Variants in MTCH1 observed in about 807,000 individuals in gnomAD.
The protein encoded by MTCH1 is mitochondrial carrier homolog 1.
In MTCH1, 23 loss-of-function variants were observed where a neutral mutation model predicts 49.3. The observed-to-expected ratio is 0.47, with a 90% CI of 0.34 to 0.66. MTCH1 has a LOEUF of 0.66. Ranked by LOEUF, MTCH1 falls within the 30% of genes least tolerant of loss-of-function variation. The probability of loss-of-function intolerance (pLI) is 0.01; values close to 1 mark genes in which losing one functional copy is unlikely to be tolerated. For synonymous variants in MTCH1, 229 were observed against 215.2 expected, an observed-to-expected ratio of 1.06 and a Z score of -0.56; for missense variants, 397 against 532.1, an observed-to-expected ratio of 0.75 and a Z score of 2.50.
chr6:36,978,701 T>C, intron 2 of MTCH1, 90 bp from the exon 3 acceptor site: 1 of 1,149,334 alleles, frequency 8.7e-7, no homozygotes, highest in Admixed American at 1.9e-5. Flanking sequence ...GCTCGGCTTG[T>C]CCTTCAGGTA....
rs1162287837 is a variant in MTCH1 at position 36,970,204 on chromosome 6, C to T, written c.1023-90G>A. 6.1e-6 allele frequency: 9 copies of T among 1,471,566 alleles called. No individual in the cohort carries two copies. In the East Asian group the frequency reaches 2.1e-4, roughly 34 times the overall value. 91.2% of individuals were successfully genotyped at this position (1,471,566 alleles called of 1,614,324 possible). A position where few individuals can be genotyped will look rare whatever the true frequency, so the allele number is the denominator to read the frequency against. On this transcript the variant is annotated intron_variant, in intron 10 of 11. Coordinates refer to ENST00000373627, the MANE Select transcript of MTCH1 (RefSeq NM_001271641.2). ...TTCAAGAAGGAATGCCTTCAGGCTA[C>T]CACCCATCCACACCCTGACCCCTGA...
At chr6:36,978,456 G>C (rs1248206996) in intron 3 of MTCH1, 49 bp downstream of exon 3, 1 of 1,567,862 alleles carries the variant, frequency 6.4e-7, no homozygotes, top group Non-Finnish European at 8.8e-7. Context: ...GGGTGGCTGG[G>C]AGTATGAGGA....
chr6:36,972,895 A>G lies in MTCH1; in HGVS notation c.762-99T>C. The G allele has an allele frequency of 8.3e-7, 1 of 1,210,594 alleles. No homozygotes were observed. Among genetic ancestry groups the G allele is most frequent in the Admixed American group, 2.3e-5 (1 of 43,862 alleles). The allele number at this position is 1,210,594 out of a possible 1,614,324, so 75.0% of individuals were successfully genotyped here. ...CAGGCAGGGATGTTCCGAGCTCAAA[A>G]TCTTAGCATATCCAATGGCACAGCC... is the stretch of plus-strand genomic sequence containing the variant. On this transcript the variant is annotated intron_variant, in intron 7 of 11. Transcript: ENST00000373627. This position sits in a 1 kb window ranked among gnomAD's most constrained non-coding sequence, Gnocchi z 4.1.
chr6:36,978,417 G>A, intron 3 of MTCH1, 88 bp downstream of exon 3: 1 of 1,348,826 alleles, frequency 7.4e-7, no homozygotes, highest in Non-Finnish European at 1.0e-6. Context: ...GGAAGGAGGA[G>A]GCAAGACCAG....
At chr6:36,969,107 C>G in intron 11 of MTCH1, 133 bp from the exon 12 acceptor site, 1 of 1,446,264 alleles carries the variant, frequency 6.9e-7, no homozygotes, top group Middle Eastern at 2.6e-4. Context: ...CGGCCTCGGC[C>G]TACATCCCTG....
intron 2 of MTCH1, among the ~76,000 whole-genome samples, chr6:36,979,331 T>C (rs1201354182): frequency 3.3e-5 from 5 of 152,246 alleles, no homozygotes; most frequent in African/African-American, 1.2e-4. Flanking sequence ...TTTCTTTCAC[T>C]AGGGTCTGTC....
chr6:36,984,087 C>G (rs974489398), intron 1 of MTCH1, among the ~76,000 whole-genome samples: 1 of 152,096 alleles, frequency 6.6e-6, no homozygotes, highest in Non-Finnish European at 1.5e-5. Context: ...CTTCATTTCC[C>G]TCACACTGAG....
chr6:36,984,474 A>C (rs1463407420), intron 1 of MTCH1, among the ~76,000 whole-genome samples: 1 of 152,002 alleles, frequency 6.6e-6, no homozygotes, highest in Non-Finnish European at 1.5e-5. Flanking sequence ...AATTACTCTC[A>C]TTCTCAAGGC....
At chr6:36,976,698 A>G (rs1763890869) in intron 6 of MTCH1, 1 of 419,212 alleles carries the variant, frequency 2.4e-6, no homozygotes, top group South Asian at 1.8e-5. Flanking sequence ...CTCCGTGTCA[A>G]CACATATGCC....
rs971759539 is a variant in MTCH1 at position 36,972,555 on chromosome 6, C to T, written c.906+97G>A. 3.5e-5 allele frequency: 49 copies of T among 1,414,010 alleles called. No individual in the cohort carries two copies. In the South Asian group the frequency reaches 4.9e-4, roughly 14 times the overall value. The allele number at this position is 1,414,010 out of a possible 1,614,324, so 87.6% of individuals were successfully genotyped here. A position where few individuals can be genotyped will look rare whatever the true frequency, so the allele number is the denominator to read the frequency against. ...AATGAGAGGTCCTCTCTCACCCTCC[C>T]GGCCTGATGCTGAGAATCCCAGAAT... On this transcript the variant is annotated intron_variant, in intron 8 of 11. Transcript: ENST00000373627. This position sits in a 1 kb window ranked among gnomAD's most constrained non-coding sequence, Gnocchi z 4.1.
intron 10 of MTCH1, 60 bp from the exon 11 acceptor site, chr6:36,970,174 G>A (rs1407492167): frequency 1.3e-6 from 2 of 1,571,420 alleles, no homozygotes; most frequent in Non-Finnish European, 1.7e-6. Context: ...CCACGGGAAA[G>A]CCACTTCAAG....
intron 8 of MTCH1, among the ~76,000 whole-genome samples, chr6:36,971,998 G>A (rs2150745650): frequency 6.6e-6 from 1 of 152,296 alleles, no homozygotes. Context: ...CTGCTGAAAG[G>A]TCTATGTATA....
intron 1 of MTCH1, 112 bp downstream of exon 1, chr6:36,985,715 ACTCGGCCCCCCAAACCCGCCGTCCCC>A: frequency 2.1e-5 from 3 of 143,226 alleles, no homozygotes; most frequent in Non-Finnish European, 4.2e-5. Context: ...CATCCCACCC[ACTCGGCCCCCCAAACCCGCCGTCCCC>A]ACCCCTCTCC....
In MTCH1 at chr6:36,973,828, A is replaced by G. The variant is rs555707543; in HGVS notation, c.762-1032T>C. ...GGGTGGCTGTTTCTGTAGAGCAGCC[A>G]TTGGCTGGGGTCCCGGGGCTGCCCC... On this transcript the variant is annotated intron_variant, in intron 7 of 11. Transcript: ENST00000373627. Among the ~76,000 whole-genome samples the G allele has an allele frequency of 1.3e-4, 20 of 152,382 alleles. No homozygotes were observed. In the South Asian group the frequency reaches 3.9e-3, roughly 30 times the overall value.
chr6:36,983,194 T>C (rs1445987198), intron 1 of MTCH1, among the ~76,000 whole-genome samples: 2 of 152,312 alleles, frequency 1.3e-5, no homozygotes, highest in South Asian at 4.1e-4. Context: ...TTTGACCCAG[T>C]GGAGCAAAGG....
At chr6:36,983,847 C>T (rs1194674746) in intron 1 of MTCH1, among the ~76,000 whole-genome samples, 1 of 152,202 alleles carries the variant, frequency 6.6e-6, no homozygotes, top group African/African-American at 2.4e-5. Flanking sequence ...GATTCCCAAA[C>T]TATACCCATT....
Position 36,977,828 on chromosome 6 carries a change from T to C in MTCH1, c.592-137A>G. The stretch of plus-strand genomic sequence containing the variant: ...ATGGGGTCGGTCTGCCAAGGATGGC[T>C]CCACCTGTTGCCCACTCCCCAGTCC... On this transcript the variant is annotated intron_variant, in intron 4 of 11. Transcript: ENST00000373627. This position sits in a 1 kb window ranked among gnomAD's most constrained non-coding sequence, Gnocchi z 5.4. 1.2e-6 allele frequency: 1 copy of C among 841,990 alleles called. No individual in the cohort carries two copies. The highest frequency in any genetic ancestry group is 1.7e-5 in the South Asian group (1 of 58,748). The allele number at this position is 841,990 out of a possible 1,614,324, so 52.2% of individuals were successfully genotyped here. A position where few individuals can be genotyped will look rare whatever the true frequency, so the allele number is the denominator to read the frequency against.
At position 36,978,359 on chromosome 6, in the gene MTCH1, G is replaced by C. The variant is rs562372764; in HGVS notation, c.513+146C>G. 228 of 881,902 alleles carry C rather than the reference G, an allele frequency of 2.6e-4. No homozygotes were observed. In the African/African-American group the frequency reaches 3.5e-3, roughly 13 times the overall value. 54.6% of individuals were successfully genotyped at this position (881,902 alleles called of 1,614,324 possible). A position where few individuals can be genotyped will look rare whatever the true frequency, so the allele number is the denominator to read the frequency against. ...CACAGCTGTGGGAAAGCAGAACTGTGGGGTGGGAGCTCCCCCATGGGGCTG... is the reference window on the plus strand; with the variant it reads ...CACAGCTGTGGGAAAGCAGAACTGTCGGGTGGGAGCTCCCCCATGGGGCTG... On this transcript the variant is annotated intron_variant, in intron 3 of 11. Coordinates refer to ENST00000373627, the MANE Select transcript of MTCH1 (RefSeq NM_001271641.2).
Position 36,968,700 on chromosome 6 carries a change from G to A in MTCH1, c.*203C>T, listed in dbSNP as rs560808197. ...TCGCCTCACCTTCCCTAGGTCTGCCGGGTGACCCAATCCACTGGGTGCAGC... is the reference window on the plus strand; with the variant it reads ...TCGCCTCACCTTCCCTAGGTCTGCCAGGTGACCCAATCCACTGGGTGCAGC... On this transcript the variant is annotated 3_prime_UTR_variant, in exon 12 of 12. Coordinates refer to ENST00000373627, the MANE Select transcript of MTCH1 (RefSeq NM_001271641.2). 40 of 798,706 alleles carry A rather than the reference G, an allele frequency of 5.0e-5. No individual in the cohort carries two copies. The highest frequency in any genetic ancestry group is 2.1e-4 in the Admixed American group (10 of 48,116). The allele number at this position is 798,706 out of a possible 1,614,324, so 49.5% of individuals were successfully genotyped here. A position where few individuals can be genotyped will look rare whatever the true frequency, so the allele number is the denominator to read the frequency against.
Sources: allele counts gnomAD v4.1 joint callset (sites outside exome capture counted in the v4.1 genomes callset), GRCh38; gene constraint gnomAD v4.1.1; non-coding constraint Gnocchi (gnomAD v3.1); transcripts MANE v1.5; gene names NCBI Gene and HGNC (gene_info 2026-07-23, HGNC 2026-07-21).